The following ADA2 variants were observed in gnomAD, a reference collection of about 807,000 sequenced individuals.
The protein encoded by ADA2 is adenosine deaminase CECR1.
In ADA2, 29 loss-of-function variants were observed where a neutral mutation model predicts 44.2. The ratio of observed to expected loss-of-function variants is 0.66; its 90% CI spans 0.49 to 0.89. The LOEUF (loss-of-function observed/expected upper bound fraction) is 0.89. Ranked by LOEUF, ADA2 falls within the 40% of genes least tolerant of loss-of-function variation. The pLI is 0.00. For missense variants in ADA2, 637 were observed against 644.8 expected, an observed-to-expected ratio of 0.99 and a Z score of 0.13; for synonymous variants, 215 against 234.9, an observed-to-expected ratio of 0.92 and a Z score of 0.77.
chr22:17,203,927 C>A (rs556106618), intron 3 of ADA2, among the ~76,000 whole-genome samples, 154 bp from the exon 4 acceptor site: 1 of 152,290 alleles, frequency 6.6e-6, no homozygotes, highest in South Asian at 2.1e-4. Flanking sequence ...GGGGAGCATT[C>A]CCACGCTCAC....
At position 17,181,967 on chromosome 22, in the gene ADA2, G is replaced by A. The variant is rs1292391548; in HGVS notation, c.1295C>T (p.Thr432Ile). Reference sequence around the variant, plus strand: ...AGAGCTGATCACCATGGGGTGCCCAGTGGCCATCAGAGTGGCTACAGGGTG... The same window carrying A: ...AGAGCTGATCACCATGGGGTGCCCAATGGCCATCAGAGTGGCTACAGGGTG... ...RNHPVATLMA[T>I]GHPMVISSDD... Residue 432 changes from threonine to isoleucine, a missense_variant, in exon 9 of 10, where the codon ACT becomes ATT. Coordinates refer to ENST00000399837, the MANE Select transcript of ADA2 (RefSeq NM_001282225.2). 1.2e-6 allele frequency: 2 copies of A among 1,614,080 alleles called. No individual in the cohort carries two copies. The highest frequency in any genetic ancestry group is 1.7e-6 in the Non-Finnish European group (2 of 1,180,032).
intron 4 of ADA2, among the ~76,000 whole-genome samples, chr22:17,198,439 A>G (rs2062221638): frequency 2.0e-5 from 3 of 152,176 alleles, no homozygotes; most frequent in Non-Finnish European, 4.4e-5. Context: ...AGCAGTTAAG[A>G]GGGTGCGTGT....
intron 4 of ADA2, among the ~76,000 whole-genome samples, chr22:17,199,973 T>A (rs2062255733): frequency 6.6e-6 from 1 of 152,030 alleles, no homozygotes; most frequent in Non-Finnish European, 1.5e-5. Flanking sequence ...GGTGGGTGGA[T>A]CACTTGAGGT....
chr22:17,196,605 C>T (rs181696861), intron 4 of ADA2, among the ~76,000 whole-genome samples: 79 of 152,206 alleles, frequency 5.2e-4, no homozygotes, highest in Admixed American at 1.0e-3. Context: ...TGCCCACACC[C>T]CCCAGCTAGA....
chr22:17,181,736 C>T (rs1003307615), intron 9 of ADA2, 84 bp downstream of exon 9: 1 of 1,236,806 alleles, frequency 8.1e-7, no homozygotes, highest in African/African-American at 1.5e-5. Flanking sequence ...ACCATCGAGG[C>T]ATCTGCCTCA....
Position 17,188,485 on chromosome 22 carries a change from C to T in ADA2, c.973-38G>A, listed in dbSNP as rs148435119. Reference sequence around the variant, plus strand: ...GAGGGACAGGGAGGTGTCTGCAGGGCGCATGCCTCACTTGCTGATGGCGCG... The same window carrying T: ...GAGGGACAGGGAGGTGTCTGCAGGGTGCATGCCTCACTTGCTGATGGCGCG... On this transcript the variant is annotated intron_variant, in intron 6 of 9. Coordinates refer to ENST00000399837, the MANE Select transcript of ADA2 (RefSeq NM_001282225.2). 827 of 1,450,248 alleles carry T rather than the reference C, an allele frequency of 5.7e-4. 3 individuals are homozygous for T. In the East Asian group the frequency reaches 0.012, roughly 21 times the overall value. The allele number at this position is 1,450,248 out of a possible 1,614,324, so 89.8% of individuals were successfully genotyped here. A position where few individuals can be genotyped will look rare whatever the true frequency, so the allele number is the denominator to read the frequency against.
At chr22:17,221,493 T>C (rs918441158), upstream of ADA2, among the ~76,000 whole-genome samples, 1 of 152,104 alleles carries the variant, frequency 6.6e-6, no homozygotes, top group Non-Finnish European at 1.5e-5. Context: ...AGGGTTTTTT[T>C]AAAGACCAGG....
chr22:17,195,443 C>T (rs917117447), intron 4 of ADA2, among the ~76,000 whole-genome samples: 16 of 151,972 alleles, frequency 1.1e-4, no homozygotes, highest in African/African-American at 3.6e-4. Context: ...GCAGGAGAAT[C>T]GCTTGAACCC....
intron 7 of ADA2, among the ~76,000 whole-genome samples, chr22:17,185,605 A>G (rs1397263022): frequency 1.3e-5 from 2 of 152,104 alleles, no homozygotes; most frequent in Non-Finnish European, 2.9e-5. Context: ...ATTTTCCCCA[A>G]CCAGACCACA....
Position 17,209,443 on chromosome 22 carries a change from T to C in ADA2, c.235A>G (p.Ile79Val). The C allele has an allele frequency of 3.7e-6, 6 of 1,614,170 alleles. No individual in the cohort carries two copies. Among genetic ancestry groups the C allele is most frequent in the Non-Finnish European group, 5.1e-6 (6 of 1,180,038 alleles). The change falls in exon 2 of 10, where the codon ATA becomes GTA. Residue 79 changes from isoleucine (I) to valine (V), a missense_variant. Transcript: ENST00000399837. Reference sequence around the variant, plus strand: ...AAAAAGTGCATGCTGGGTGGGAATATCAGGGTCCTCATGGCCTCCTTCATC... The same window carrying C: ...AAAAAGTGCATGCTGGGTGGGAATACCAGGGTCCTCATGGCCTCCTTCATC... The part of the protein sequence containing the change: ...AEMKEAMRTL[I>V]FPPSMHFFQA...
chr22:17,203,832 C>T lies in ADA2; in HGVS notation c.543-59G>A, dbSNP rs1355844572. ...CATGATCCAGGACACTGCCCCCGGG[C>T]GCCCATAGGACTGCTACCCACCTTG... On this transcript the variant is annotated intron_variant, in intron 3 of 9. Transcript: ENST00000399837. 2.4e-5 allele frequency: 28 copies of T among 1,191,186 alleles called. No individual in the cohort carries two copies. In the East Asian group the frequency reaches 2.9e-4, roughly 12 times the overall value. 73.8% of individuals were successfully genotyped at this position (1,191,186 alleles called of 1,614,324 possible).
chr22:17,207,146 G>A lies in ADA2; in HGVS notation c.467C>T (p.Ser156Leu). 5 of 1,614,226 alleles carry A rather than the reference G, an allele frequency of 3.1e-6. No homozygotes were observed. Among genetic ancestry groups the A allele is most frequent in the Non-Finnish European group, 4.2e-6 (5 of 1,180,044 alleles). Residue 156 changes from serine (S) to leucine (L), a missense_variant, in exon 3 of 10, where the codon TCA (serine) becomes TTA (leucine). Transcript: ENST00000399837. ...FRFAHPTPRPSEKCSKWILLE... is the reference protein window; with the variant it reads ...FRFAHPTPRPLEKCSKWILLE... ...CAGAATCCACTTGGAACATTTTTCT[G>A]ATGGACGGGGAGTTGGGTGAGCAAA... is the stretch of plus-strand genomic sequence containing the variant.
chr22:17,182,454 TG>T, intron 8 of ADA2, 149 bp downstream of exon 8: 1 of 826,802 alleles, frequency 1.2e-6, no homozygotes, highest in Non-Finnish European at 2.0e-6. Flanking sequence ...AGGCCCCTCC[TG>T]AATAACTTTA....
chr22:17,182,227 T>C (rs3764847), intron 8 of ADA2, among the ~76,000 whole-genome samples: 42,322 of 151,928 alleles, frequency 0.28, 6,311 homozygotes, highest in Non-Finnish European at 0.33. Context: ...TCATCAGCAC[T>C]GCAAACATCG....
rs977037813 is a variant in ADA2, at chr22:17,187,678, A to AG, written c.1081+660_1081+661insC. ...ACCACGAAAAATTAAAAAAAAAAAA[A>AG]AAAAGAAGAAGAAGAAGGATTCAAA... On this transcript the variant is annotated intron_variant, in intron 7 of 9. Coordinates refer to ENST00000399837, the MANE Select transcript of ADA2 (RefSeq NM_001282225.2). Among the ~76,000 whole-genome samples, 53 of 150,628 alleles carry AG rather than the reference A, an allele frequency of 3.5e-4. 1 individual carries two copies. Among genetic ancestry groups the AG allele is most frequent in the South Asian group, 2.9e-3 (14 of 4,780 alleles).
At chr22:17,186,895 A>C (rs1381941043) in intron 7 of ADA2, among the ~76,000 whole-genome samples, 1 of 149,086 alleles carries the variant, frequency 6.7e-6, no homozygotes, top group South Asian at 2.1e-4. Context: ...GACCAGGTGC[A>C]GTGGCTCACA....
At chr22:17,200,623 G>C (rs2062268408) in intron 4 of ADA2, among the ~76,000 whole-genome samples, 1 of 152,068 alleles carries the variant, frequency 6.6e-6, no homozygotes, top group Non-Finnish European at 1.5e-5. Flanking sequence ...GGCCGGGCAT[G>C]GTGGCTCGTA....
chr22:17,221,311 A>C (rs9606656), upstream of ADA2, among the ~76,000 whole-genome samples: 18,856 of 151,932 alleles, frequency 0.12, 1,313 homozygotes, highest in African/African-American at 0.17. Flanking sequence ...TTTATACTTT[A>C]AGTTCTAGGG....
At chr22:17,219,665 G>GTTTTTTTTTTTTTTTTTTTTTTTT (rs71200249), upstream of ADA2, 2 of 71,996 alleles carry the variant, frequency 2.8e-5, 1 homozygote, top group Non-Finnish European at 4.9e-5. Flanking sequence ...TGTGGGGTTT[G>GTTTTTTTTTTTTTTTTTTTTTTTT]TTTTTTTTTT....
Sources: allele counts gnomAD v4.1 joint callset (sites outside exome capture counted in the v4.1 genomes callset), GRCh38; gene constraint gnomAD v4.1.1; transcripts MANE v1.5; gene names NCBI Gene and HGNC (gene_info 2026-07-23, HGNC 2026-07-21).